The following NRG1 variants were observed in gnomAD, a reference collection of about 807,000 sequenced individuals.
NRG1 encodes neuregulin 1.
A neutral mutation model predicts 63.8 loss-of-function variants in NRG1; 18 were observed. The observed-to-expected ratio is 0.28, with a 90% CI of 0.19 to 0.42. The LOEUF (loss-of-function observed/expected upper bound fraction) is 0.42. NRG1 is among the 10% of genes least tolerant of loss of function. The pLI, the probability that NRG1 is intolerant of heterozygous loss-of-function variation, is 1.00. For synonymous variants in NRG1, 302 were observed against 301.3 expected (o/e 1.00, Z -0.02); for missense variants, 762 against 814.7 (o/e 0.94, Z 0.79).
At chr8:32,537,306 A>G (rs1324896801) in intron 1 of NRG1, among the ~76,000 whole-genome samples, 2 of 151,002 alleles carry the variant, frequency 1.3e-5, no homozygotes, top group African/African-American at 2.4e-5. Context: ...CTGCCCCCCA[A>G]CTGAGTTGGT....
chr8:32,620,309 A>G (rs1367899562), intron 5 of NRG1, among the ~76,000 whole-genome samples: 10 of 152,098 alleles, frequency 6.6e-5, no homozygotes, highest in Non-Finnish European at 4.4e-5. Flanking sequence ...AACTAATGAC[A>G]TTGGTGTTTT....
chr8:32,473,488 A>G (rs1303591331), intron 1 of NRG1, among the ~76,000 whole-genome samples: 2 of 152,120 alleles, frequency 1.3e-5, no homozygotes, highest in Admixed American at 6.6e-5. Context: ...TCCTATTTCT[A>G]TAGTATTTCT....
At chr8:32,388,340 C>G (rs1215226583) in intron 1 of NRG1, among the ~76,000 whole-genome samples, 1 of 152,030 alleles carries the variant, frequency 6.6e-6, no homozygotes, top group African/African-American at 2.4e-5. Context: ...TGTGCCAAAG[C>G]CAAGAGAGGA....
intron 1 of NRG1, among the ~76,000 whole-genome samples, chr8:32,345,743 G>A (rs937198724): frequency 5.9e-5 from 9 of 152,154 alleles, no homozygotes; most frequent in African/African-American, 1.9e-4. Flanking sequence ...ACTGAGGCGG[G>A]TGGATCATTT....
At chr8:32,081,530 G>A (rs567588733) in intron 1 of NRG1, among the ~76,000 whole-genome samples, 1 of 152,270 alleles carries the variant, frequency 6.6e-6, no homozygotes, top group African/African-American at 2.4e-5. Flanking sequence ...AGGAACATTA[G>A]ATTAGTGGGG....
intron 5 of NRG1, among the ~76,000 whole-genome samples, chr8:32,705,973 A>G (rs546949773): frequency 5.9e-5 from 9 of 152,338 alleles, no homozygotes; most frequent in African/African-American, 2.2e-4. Context: ...CTTTTTAAAA[A>G]TTGTGGCCAT....
intron 1 of NRG1, among the ~76,000 whole-genome samples, chr8:31,845,229 A>T (rs1826579701): frequency 6.6e-6 from 1 of 152,180 alleles, no homozygotes; most frequent in African/African-American, 2.4e-5. Context: ...ATGGTTAGAT[A>T]CACATATTAA....
intron 1 of NRG1, among the ~76,000 whole-genome samples, chr8:32,220,616 G>A (rs1406430779): frequency 6.6e-6 from 1 of 152,182 alleles, no homozygotes; most frequent in African/African-American, 2.4e-5. Flanking sequence ...ATCAGAACTA[G>A]TCGGACCTAA....
intron 1 of NRG1, among the ~76,000 whole-genome samples, chr8:32,158,729 T>TA (rs1259356146): frequency 5.9e-5 from 9 of 151,740 alleles, no homozygotes; most frequent in Non-Finnish European, 1.3e-4. Flanking sequence ...GACATACATA[T>TA]AAATAGTTCA....
intron 5 of NRG1, among the ~76,000 whole-genome samples, chr8:32,702,054 T>C (rs1311447969): frequency 6.6e-6 from 1 of 152,236 alleles, no homozygotes; most frequent in African/African-American, 2.4e-5. Flanking sequence ...CTTCTCATCT[T>C]TGAGACTTGA....
chr8:32,624,379 A>G (rs1027281663), intron 5 of NRG1, among the ~76,000 whole-genome samples: 3 of 152,212 alleles, frequency 2.0e-5, no homozygotes, highest in Admixed American at 1.3e-4. Context: ...GTGTAGAATC[A>G]TTACAGAGAG....
chr8:31,792,690 TG>T (rs1820831831), intron 1 of NRG1, among the ~76,000 whole-genome samples: 2 of 152,260 alleles, frequency 1.3e-5, no homozygotes, highest in African/African-American at 4.8e-5. Flanking sequence ...CTATGGTCTC[TG>T]GACTTACGTC....
chr8:32,368,655 C>T (rs1052883781), intron 1 of NRG1, among the ~76,000 whole-genome samples: 4 of 152,152 alleles, frequency 2.6e-5, no homozygotes, highest in African/African-American at 9.7e-5. Flanking sequence ...GAGGATGTTT[C>T]CCTGCAATGA....
intron 5 of NRG1, among the ~76,000 whole-genome samples, chr8:32,669,899 G>C (rs1225029961): frequency 6.6e-6 from 1 of 152,112 alleles, no homozygotes; most frequent in African/African-American, 2.4e-5. Context: ...ACAAAAGAAA[G>C]GAAAATGACA....
intron 6 of NRG1, among the ~76,000 whole-genome samples, chr8:32,733,825 C>G (rs949922627): frequency 2.0e-5 from 3 of 152,118 alleles, no homozygotes; most frequent in Admixed American, 6.5e-5. Context: ...AAAGAAAAGA[C>G]TGAAATAAGT....
chr8:32,525,803 T>G (rs1404016900), intron 1 of NRG1, among the ~76,000 whole-genome samples: 1 of 152,186 alleles, frequency 6.6e-6, no homozygotes, highest in African/African-American at 2.4e-5. Flanking sequence ...TTAGCACAAA[T>G]CAACTTTCTT....
At chr8:32,463,874 CTTTT>C (rs756489856) in intron 1 of NRG1, among the ~76,000 whole-genome samples, 28 of 42,346 alleles carry the variant, frequency 6.6e-4, no homozygotes, top group East Asian at 2.4e-3. Flanking sequence ...ACTTAGAATT[CTTTT>C]TTTTTTTTTT....
chr8:32,739,305 C>T (rs16879908), intron 6 of NRG1, among the ~76,000 whole-genome samples: 6,971 of 152,088 alleles, frequency 0.046, 552 homozygotes, highest in African/African-American at 0.16. Flanking sequence ...CGGCTGTGGC[C>T]TGCGTTTACA....
intron 1 of NRG1, among the ~76,000 whole-genome samples, chr8:32,266,935 G>T (rs1462682217): frequency 6.6e-6 from 1 of 151,298 alleles, no homozygotes; most frequent in Non-Finnish European, 1.5e-5. Flanking sequence ...TGTAATCCCA[G>T]CTACTCAGGA....
Sources: allele counts gnomAD v4.1 joint callset (sites outside exome capture counted in the v4.1 genomes callset), GRCh38; gene constraint gnomAD v4.1.1; transcripts MANE v1.5; gene names NCBI Gene and HGNC (gene_info 2026-07-23, HGNC 2026-07-21).